The following ATM variants were observed in gnomAD, a reference collection of about 807,000 sequenced individuals.
ATM encodes ATM serine/threonine kinase.
Under a neutral mutation model 387.0 loss-of-function variants are expected in ATM, and 308 were observed. That is an observed-to-expected ratio of 0.80 (90% CI 0.73 to 0.87). ATM has a LOEUF of 0.87. Among genes scored for constraint, ATM ranks in the 40% least tolerant of loss-of-function variants. The probability of loss-of-function intolerance (pLI) is 0.00; values close to 1 mark genes in which losing one functional copy is unlikely to be tolerated. For synonymous variants in ATM, 1,156 were observed against 1,187.3 expected (o/e 0.97, Z 0.54); for missense variants, 3,312 against 3,560.9 (o/e 0.93, Z 1.78).
chr11:108,362,602 T>C (rs1476361285), intron 61 of ATM, among the ~76,000 whole-genome samples: 23 of 149,468 alleles, frequency 1.5e-4, no homozygotes, highest in African/African-American at 5.7e-4. Flanking sequence ...ATATACACCA[T>C]GGAATACTAT....
chr11:108,306,297 T>C (rs1183489999), intron 37 of ATM, among the ~76,000 whole-genome samples: 1 of 152,152 alleles, frequency 6.6e-6, no homozygotes. Flanking sequence ...CTTATATGAA[T>C]TTTCCTTAGG....
At chr11:108,328,960 G>A (rs2136406609) in intron 48 of ATM, 61 bp from the exon 49 acceptor site, 2 of 1,479,434 alleles carry the variant, frequency 1.4e-6, no homozygotes, top group Non-Finnish European at 1.9e-6. Context: ...TAATTTGAGT[G>A]ATTCTTTAGA....
At chr11:108,270,661 AT>A (rs1215876032) in intron 18 of ATM, among the ~76,000 whole-genome samples, 2 of 151,568 alleles carry the variant, frequency 1.3e-5, no homozygotes, top group East Asian at 3.9e-4. Context: ...GTGTGTGTGT[AT>A]GTGTGTGCAT....
chr11:108,315,658 T>TGAACTGTATTTCA (rs1280986257), intron 40 of ATM, among the ~76,000 whole-genome samples, 165 bp from the exon 41 acceptor site: 1 of 152,250 alleles, frequency 6.6e-6, no homozygotes, highest in Non-Finnish European at 1.5e-5. Context: ...TCGTGTTGTT[T>TGAACTGTATTTCA]GAACTGTATT....
At chr11:108,237,957 C>T (rs2079375772) in intron 5 of ATM, among the ~76,000 whole-genome samples, 1 of 129,576 alleles carries the variant, frequency 7.7e-6, no homozygotes, top group Non-Finnish European at 1.6e-5. Context: ...GACAGAGTCT[C>T]CCTCTGTTGC....
Position 108,243,990 on chromosome 11 carries a change from T to G in ATM, c.534T>G (p.Pro178=), listed in dbSNP as rs1060504293. Reference sequence around the variant, plus strand: ...TGTACTTCAGGCTCTATCTGAAACCTTCACAAGATGTTCATAGAGTTTTAG... The same window carrying G: ...TGTACTTCAGGCTCTATCTGAAACCGTCACAAGATGTTCATAGAGTTTTAG... The part of the protein sequence containing the change: ...FSVYFRLYLK[P]SQDVHRVLVA... Residue 178 remains proline (P), a synonymous_variant, in exon 6 of 63, where the codon CCT becomes CCG. Coordinates refer to ENST00000675843, the MANE Select transcript of ATM (RefSeq NM_000051.4). 1 of 1,609,926 alleles carries G rather than the reference T, an allele frequency of 6.2e-7. No individual in the cohort carries two copies. The highest frequency in any genetic ancestry group is 1.3e-5 in the African/African-American group (1 of 74,948).
chr11:108,267,953 A>G (rs1230099060), intron 17 of ATM, among the ~76,000 whole-genome samples: 2 of 152,234 alleles, frequency 1.3e-5, no homozygotes, highest in East Asian at 1.9e-4. Flanking sequence ...ACCTTTTTCT[A>G]TTATTTCTCT....
Position 108,289,497 on chromosome 11 carries a change from T to C in ATM, c.4237-105T>C, listed in dbSNP as rs1392837986. The C allele has an allele frequency of 5.9e-6, 5 of 851,350 alleles. No individual in the cohort carries two copies. In the Admixed American group the frequency reaches 1.2e-4, roughly 21 times the overall value. 52.7% of individuals were successfully genotyped at this position (851,350 alleles called of 1,614,324 possible). A position where few individuals can be genotyped will look rare whatever the true frequency, so the allele number is the denominator to read the frequency against. ...TTCTGTTATTTAGTTATTTTAAATA[T>C]AAAATGTGTAGGTATTCAAATATTT... On this transcript the variant is annotated intron_variant, in intron 28 of 62. Transcript: ENST00000675843.
rs876660594 is a variant in ATM, at chr11:108,365,174, C to G, written c.8943C>G (p.His2981Gln). Residue 2981 changes from histidine (H) to glutamine (Q), a missense_variant, in exon 62 of 63, where the codon CAC (histidine) becomes CAG (glutamine). Transcript: ENST00000675843. ...GGCCGGAAGATGAAACTGAGCTTCACCCTACTCTGAATGCAGATGACCAAG... is the reference window on the plus strand; with the variant it reads ...GGCCGGAAGATGAAACTGAGCTTCAGCCTACTCTGAATGCAGATGACCAAG... The part of the protein sequence containing the change: ...QQRPEDETEL[H>Q]PTLNADDQEC... 6.2e-7 allele frequency: 1 copy of G among 1,614,182 alleles called. No individual in the cohort carries two copies. Among genetic ancestry groups the G allele is most frequent in the Non-Finnish European group, 8.5e-7 (1 of 1,180,032 alleles).
chr11:108,312,318 A>G (rs2084233520), intron 39 of ATM, 93 bp from the exon 40 acceptor site: 1 of 920,334 alleles, frequency 1.1e-6, no homozygotes, highest in Admixed American at 1.8e-5. Context: ...TGCCACCTTC[A>G]TTAGTTTTTT....
chr11:108,313,414 C>T (rs1010490240), intron 40 of ATM, among the ~76,000 whole-genome samples: 28 of 152,070 alleles, frequency 1.8e-4, no homozygotes, highest in Non-Finnish European at 3.8e-4. Flanking sequence ...GTCTGCATTT[C>T]CCCCCCTTCC....
At position 108,297,340 on chromosome 11, in the gene ATM, T is replaced by C. The variant is rs1376280581; in HGVS notation, c.4963T>C (p.Ser1655Pro). Residue 1655 changes from serine to proline, a missense_variant, in exon 33 of 63, where the codon TCC becomes CCC. Around this residue, in one of 4 missense-constraint regions of ATM, gnomAD observed 1,405 missense variants for 1,604.4 expected, o/e 0.88. Coordinates refer to ENST00000675843, the MANE Select transcript of ATM (RefSeq NM_000051.4). ...VKLVVNLLQL[S>P]KMAINHTGEK... ...ACTAGTTGTCAATTTGTTGCAGTTA[T>C]CCAAGATGGCAATAAACCACACTGG... The C allele has an allele frequency of 1.9e-6, 3 of 1,613,972 alleles. No homozygotes were observed. The highest frequency in any genetic ancestry group is 1.7e-5 in the Admixed American group (1 of 60,002).
At chr11:108,233,128 C>T (rs1282401664) in intron 4 of ATM, among the ~76,000 whole-genome samples, 1 of 152,226 alleles carries the variant, frequency 6.6e-6, no homozygotes, top group Non-Finnish European at 1.5e-5. Flanking sequence ...TCCCAAACTG[C>T]TGGGTTTATA....
At position 108,317,535 on chromosome 11, in the gene ATM, CT is replaced by C. The variant is rs773482152; in HGVS notation, c.6347+16del. ...CACTTCCGTCAGGTAAGAAATTTGA[CT>C]TGATTTTTTTTTTTTTGCCTCTCTC... On this transcript the variant is annotated intron_variant, in intron 43 of 62. Coordinates refer to ENST00000675843, the MANE Select transcript of ATM (RefSeq NM_000051.4). 3 of 1,571,220 alleles carry C rather than the reference CT, an allele frequency of 1.9e-6. No individual in the cohort carries two copies. Among genetic ancestry groups the C allele is most frequent in the Middle Eastern group, 1.7e-4 (1 of 5,910 alleles).
intron 14 of ATM, 44 bp from the exon 15 acceptor site, chr11:108,257,437 A>G: frequency 6.2e-7 from 1 of 1,603,738 alleles, no homozygotes. Flanking sequence ...ATACTAAACT[A>G]TAATTTTAAC....
Position 108,284,323 on chromosome 11 carries a change from T to G in ATM, c.3843T>G (p.Ser1281Arg), listed in dbSNP as rs863224565. 3.7e-6 allele frequency: 6 copies of G among 1,614,020 alleles called. No homozygotes were observed. The highest frequency in any genetic ancestry group is 3.3e-5 in the South Asian group (3 of 91,076). ...IANQIQEDWK[S>R]LLTDCFPKIL... ...ATCAGATTCAAGAGGACTGGAAAAG[T>G]CTTCTAACAGACTGCTTTCCAAAGA... Residue 1281 changes from serine (S) to arginine (R), a missense_variant, in exon 26 of 63, where the codon AGT becomes AGG. By Grantham distance (110) the Ser-to-Arg change is moderately radical (BLOSUM62 -1). Transcript: ENST00000675843.
At chr11:108,287,952 TC>T (rs769732016) in intron 27 of ATM, among the ~76,000 whole-genome samples, 2 of 152,220 alleles carry the variant, frequency 1.3e-5, no homozygotes, top group Non-Finnish European at 2.9e-5. Flanking sequence ...AATAACCTTT[TC>T]TTAGTCTTTC....
intron 55 of ATM, 29 bp from the exon 56 acceptor site, chr11:108,335,816 T>G (rs2086775041): frequency 6.5e-7 from 1 of 1,545,010 alleles, no homozygotes; most frequent in African/African-American, 1.4e-5. Context: ...TAAACTGTAC[T>G]TGTTTATTCA....
intron 27 of ATM, 94 bp downstream of exon 27, chr11:108,287,809 T>C: frequency 1.1e-6 from 1 of 872,308 alleles, no homozygotes; most frequent in Non-Finnish European, 1.8e-6. Context: ...TTTCAATTTA[T>C]AGACATCACT....
Sources: gnomAD v4.1 joint callset for allele counts (sites outside exome capture counted in the v4.1 genomes callset) on GRCh38, gnomAD v4.1.1 for gene constraint, gnomAD v4.1.1 regional missense constraint, MANE v1.5 for transcripts, NCBI Gene and HGNC (gene_info 2026-07-23, HGNC 2026-07-21) for gene names.